LRP1B: variants seen among roughly 807,000 people sequenced by gnomAD.
LRP1B encodes the protein LDL receptor related protein 1B.
Under a neutral mutation model 556.6 loss-of-function variants are expected in LRP1B, and 217 were observed. That is an observed-to-expected ratio of 0.39 (90% CI 0.35 to 0.44). LRP1B has a LOEUF of 0.44. Ranked by LOEUF, LRP1B falls within the 20% of genes least tolerant of loss-of-function variation. The pLI is 1.00. For missense variants in LRP1B, 5,053 were observed against 5,620.8 expected, an observed-to-expected ratio of 0.90 and a Z score of 3.23; for synonymous variants, 2,047 against 1,865.8, an observed-to-expected ratio of 1.10 and a Z score of -2.50.
intron 1 of LRP1B, among the ~76,000 whole-genome samples, chr2:142,126,613 G>A (rs1162122269): frequency 6.6e-6 from 1 of 151,800 alleles, no homozygotes; most frequent in Non-Finnish European, 1.5e-5. Context: ...TACAAGAATT[G>A]TTTTGACAGA....
At chr2:141,583,138 C>A (rs946317581) in intron 2 of LRP1B, among the ~76,000 whole-genome samples, 1 of 151,932 alleles carries the variant, frequency 6.6e-6, no homozygotes, top group Non-Finnish European at 1.5e-5. Flanking sequence ...GCCCGGCCAA[C>A]AATAATCATT....
rs201146038 is a variant in LRP1B at position 141,017,415 on chromosome 2, T to TA, written c.1971-1501_1971-1500insT. Among the ~76,000 whole-genome samples, 23 of 148,926 alleles carry TA rather than the reference T, an allele frequency of 1.5e-4. 1 individual carries two copies. The highest frequency in any genetic ancestry group is 6.3e-4 in the East Asian group (3 of 4,786). On this transcript the variant is annotated intron_variant, in intron 12 of 90. Transcript: ENST00000389484. ...GCTTCTCCTTTTGATCATGGCAACATGTTTTTTTTTTCTGTGACTCAAATC... is the reference window on the plus strand; with the variant it reads ...GCTTCTCCTTTTGATCATGGCAACATAGTTTTTTTTTTCTGTGACTCAAATC...
intron 1 of LRP1B, among the ~76,000 whole-genome samples, chr2:141,960,018 T>G (rs1701357388): frequency 6.6e-6 from 1 of 151,898 alleles, no homozygotes; most frequent in South Asian, 2.1e-4. Flanking sequence ...TGAAGACCTA[T>G]GTATACAGAC....
intron 3 of LRP1B, among the ~76,000 whole-genome samples, chr2:141,268,330 A>C (rs193004800): frequency 6.6e-6 from 1 of 152,310 alleles, no homozygotes; most frequent in East Asian, 1.9e-4. Flanking sequence ...ATTTAGAAGC[A>C]AAAAAGCAGT....
chr2:141,949,444 G>T (rs1701047923), intron 1 of LRP1B, among the ~76,000 whole-genome samples: 1 of 152,160 alleles, frequency 6.6e-6, no homozygotes, highest in South Asian at 2.1e-4. Flanking sequence ...AGGCTGGAGT[G>T]CAGTGGCATG....
Position 141,850,468 on chromosome 2 carries a change from C to G in LRP1B, c.83-40067G>C, listed in dbSNP as rs116104593. 6.3e-3 allele frequency among the ~76,000 whole-genome samples: 958 copies of G among 151,312 alleles called. 5 individuals carry two copies. Among genetic ancestry groups the G allele is most frequent in the Non-Finnish European group, 9.8e-3 (662 of 67,696 alleles). ...AACTTTCAACATTATGAGTTTTTAA[C>G]TAAAAATGGTCATTTTATTTTTAAT... is the stretch of plus-strand genomic sequence containing the variant. On this transcript the variant is annotated intron_variant, in intron 1 of 90. Coordinates refer to ENST00000389484, the MANE Select transcript of LRP1B (RefSeq NM_018557.3).
intron 1 of LRP1B, among the ~76,000 whole-genome samples, chr2:142,065,140 C>A (rs988418557): frequency 1.3e-5 from 2 of 151,402 alleles, no homozygotes; most frequent in African/African-American, 4.8e-5. Context: ...CCCTTTAAGC[C>A]GGTCATTGTA....
In LRP1B at chr2:141,767,645, T is replaced by G. The variant is rs574184910; in HGVS notation, c.205+42634A>C. ...TAAAATAAAGAGTTGTATGCTGAGA[T>G]TCTGAGAATGGTCTGTTTGGATAAC... is the stretch of plus-strand genomic sequence containing the variant. On this transcript the variant is annotated intron_variant, in intron 2 of 90. Transcript: ENST00000389484. Among the ~76,000 whole-genome samples the G allele has an allele frequency of 8.5e-5, 13 of 152,270 alleles. No individual in the cohort carries two copies. In the East Asian group the frequency reaches 2.5e-3, roughly 29 times the overall value.
intron 27 of LRP1B, among the ~76,000 whole-genome samples, chr2:140,860,975 C>CT (rs1456732204): frequency 6.9e-6 from 1 of 145,866 alleles, no homozygotes; most frequent in Non-Finnish European, 1.5e-5. Context: ...GAGAATTGTG[C>CT]ATCTATCTAT....
intron 1 of LRP1B, among the ~76,000 whole-genome samples, chr2:141,884,953 G>C (rs185740291): frequency 7.9e-4 from 120 of 152,234 alleles, no homozygotes; most frequent in Non-Finnish European, 7.9e-4. Context: ...GCTCAGAGGA[G>C]GCAGTTGATG....
chr2:141,351,009 T>C (rs1043059924), intron 3 of LRP1B, among the ~76,000 whole-genome samples: 1 of 152,056 alleles, frequency 6.6e-6, no homozygotes, highest in Non-Finnish European at 1.5e-5. Context: ...TTTCAATACA[T>C]ATCCACTTTG....
intron 1 of LRP1B, among the ~76,000 whole-genome samples, chr2:141,856,449 T>C (rs1698053863): frequency 6.6e-6 from 1 of 152,124 alleles, no homozygotes; most frequent in Non-Finnish European, 1.5e-5. Context: ...GGGAAACCAC[T>C]GTTCATACAA....
rs529142359 is a variant in LRP1B at position 140,440,613 on chromosome 2, A to T, written c.10414+1891T>A. Among the ~76,000 whole-genome samples the T allele has an allele frequency of 3.9e-5, 6 of 152,272 alleles. No homozygotes were observed. The East Asian group carries it at 9.7e-4, about 25-fold the overall frequency. ...CAAAGTGGCCACTTATCCCTTTCAA[A>T]AATAAGGGGTGTGAAATGCTGTACT... is the stretch of plus-strand genomic sequence containing the variant. On this transcript the variant is annotated intron_variant, in intron 66 of 90. Transcript: ENST00000389484.
chr2:141,550,555 T>C (rs1262754641), intron 2 of LRP1B, among the ~76,000 whole-genome samples: 1 of 152,144 alleles, frequency 6.6e-6, no homozygotes, highest in Non-Finnish European at 1.5e-5. Flanking sequence ...ATTAGAATTA[T>C]TGGCTCTGCG....
chr2:141,362,128 T>C (rs1186290415), intron 3 of LRP1B, among the ~76,000 whole-genome samples: 1 of 152,244 alleles, frequency 6.6e-6, no homozygotes, highest in Admixed American at 6.5e-5. Context: ...TTAAATTTAA[T>C]ATGCATCTTC....
intron 20 of LRP1B, among the ~76,000 whole-genome samples, chr2:140,937,911 C>T (rs1425770498): frequency 1.4e-5 from 2 of 147,464 alleles, no homozygotes; most frequent in African/African-American, 2.5e-5. Flanking sequence ...GTTGGTAGGA[C>T]ATTTTTTTTT....
At chr2:141,265,243 C>T (rs1684842955) in intron 3 of LRP1B, among the ~76,000 whole-genome samples, 1 of 152,152 alleles carries the variant, frequency 6.6e-6, no homozygotes, top group Non-Finnish European at 1.5e-5. Flanking sequence ...GGACACACAC[C>T]CAGGGTGCCC....
At chr2:141,934,309 T>A (rs1474393588) in intron 1 of LRP1B, among the ~76,000 whole-genome samples, 2 of 151,826 alleles carry the variant, frequency 1.3e-5, no homozygotes, top group African/African-American at 4.8e-5. Context: ...TCTAATTGAA[T>A]GACAGAAGGT....
At chr2:140,784,111 G>T (rs1039428542) in intron 32 of LRP1B, among the ~76,000 whole-genome samples, 3 of 151,976 alleles carry the variant, frequency 2.0e-5, no homozygotes. Flanking sequence ...AAAATGTCTG[G>T]GTGCCACCCC....
Sources: gnomAD v4.1 joint callset for allele counts (sites outside exome capture counted in the v4.1 genomes callset) on GRCh38, gnomAD v4.1.1 for gene constraint, MANE v1.5 for transcripts, NCBI Gene and HGNC (gene_info 2026-07-23, HGNC 2026-07-21) for gene names.